COL22A1: variants seen among roughly 807,000 people sequenced by gnomAD.
The protein encoded by COL22A1 is collagen alpha-1(XXII) chain.
COL22A1 carries 221 observed loss-of-function variants against 248.9 expected under a neutral mutation model. The observed-to-expected ratio is 0.89, with a 90% CI of 0.80 to 0.99. COL22A1 has a LOEUF of 0.99. Ranked by LOEUF, COL22A1 falls within the 50% of genes least tolerant of loss-of-function variation. The pLI, the probability that COL22A1 is intolerant of heterozygous loss-of-function variation, is 0.00. For missense variants in COL22A1, 2,240 were observed against 2,179.0 expected (o/e 1.03, Z -0.56); for synonymous variants, 891 against 793.4 (o/e 1.12, Z -2.07).
intron 12 of COL22A1, among the ~76,000 whole-genome samples, chr8:138,794,259 C>T (rs187954595): frequency 5.4e-4 from 82 of 152,106 alleles, no homozygotes; most frequent in African/African-American, 1.6e-3. Flanking sequence ...TGGTGATGCA[C>T]GCCTGTAGTC....
chr8:138,778,755 G>A (rs888933001), intron 14 of COL22A1, among the ~76,000 whole-genome samples: 3 of 152,144 alleles, frequency 2.0e-5, no homozygotes, highest in Non-Finnish European at 2.9e-5. Context: ...CCATGACCTG[G>A]GTCTGGATAT....
chr8:138,662,800 A>G (rs1824084444), intron 42 of COL22A1, among the ~76,000 whole-genome samples: 1 of 152,116 alleles, frequency 6.6e-6, no homozygotes. Flanking sequence ...TCTCACGTCT[A>G]TCAGTTCACT....
At chr8:138,786,778 C>A (rs1815564348) in intron 12 of COL22A1, among the ~76,000 whole-genome samples, 1 of 152,102 alleles carries the variant, frequency 6.6e-6, no homozygotes, top group African/African-American at 2.4e-5. Context: ...GTGGCAGGCA[C>A]CTGTAATCCC....
intron 17 of COL22A1, 104 bp downstream of exon 17, chr8:138,762,309 G>A: frequency 8.9e-7 from 1 of 1,124,348 alleles, no homozygotes; most frequent in Non-Finnish European, 1.3e-6. Flanking sequence ...GAGCAAGGAG[G>A]AGGCCCAGGT....
At chr8:138,789,440 G>A (rs1022970184) in intron 12 of COL22A1, among the ~76,000 whole-genome samples, 1 of 152,194 alleles carries the variant, frequency 6.6e-6, no homozygotes, top group East Asian at 1.9e-4. Flanking sequence ...GGAGATGGGG[G>A]TGCTGATTAA....
Position 138,900,933 on chromosome 8 carries a change from GT to G in COL22A1, c.-73+12685del, listed in dbSNP as rs535303493. Among the ~76,000 whole-genome samples the G allele has an allele frequency of 9.4e-4, 143 of 152,268 alleles. 1 individual carries two copies. Among genetic ancestry groups the G allele is most frequent in the African/African-American group, 3.3e-3 (138 of 41,572 alleles). ...AAAAAGCAGGGTCATGTGATAGAAGGTGACTTGGGTAGGACATTTTTTACAC... is the reference window on the plus strand; with the variant it reads ...AAAAAGCAGGGTCATGTGATAGAAGGGACTTGGGTAGGACATTTTTTACAC... On this transcript the variant is annotated intron_variant, in intron 1 of 64. Transcript: ENST00000303045.
At chr8:138,832,415 C>T (rs1269103592) in intron 5 of COL22A1, among the ~76,000 whole-genome samples, 1 of 152,066 alleles carries the variant, frequency 6.6e-6, no homozygotes, top group Non-Finnish European at 1.5e-5. Context: ...ATTTGTCTGC[C>T]TGTAATAAGA....
At chr8:138,589,621 G>A (rs570799918) in intron 64 of COL22A1, among the ~76,000 whole-genome samples, 181 bp from the exon 65 acceptor site, 9 of 152,272 alleles carry the variant, frequency 5.9e-5, no homozygotes, top group Admixed American at 5.2e-4. Context: ...CAGGTAGCAG[G>A]AGCACCTCAA....
intron 56 of COL22A1, among the ~76,000 whole-genome samples, chr8:138,609,947 A>G (rs1818728792): frequency 6.6e-6 from 1 of 152,170 alleles, no homozygotes; most frequent in Admixed American, 6.5e-5. Context: ...AATGGAAACC[A>G]CAGTTCCCCT....
chr8:138,689,052 C>A (rs923129943), intron 36 of COL22A1, 82 bp from the exon 37 acceptor site: 7 of 1,107,522 alleles, frequency 6.3e-6, no homozygotes, highest in Admixed American at 1.7e-5. Context: ...AGGGAAGAAT[C>A]ATCAGGTCCC....
chr8:138,826,529 C>G, intron 6 of COL22A1, 129 bp downstream of exon 6: 4 of 968,472 alleles, frequency 4.1e-6, no homozygotes, highest in South Asian at 1.5e-5. Context: ...AGCCTCCATA[C>G]GCCAGGCTCT....
In COL22A1 at chr8:138,706,716, C is replaced by T. The variant is rs1160997525; in HGVS notation, c.2518-3369G>A. On this transcript the variant is annotated intron_variant, in intron 30 of 64. Coordinates refer to ENST00000303045, the MANE Select transcript of COL22A1 (RefSeq NM_152888.3). The stretch of plus-strand genomic sequence containing the variant: ...ATCTAAAATTGACACCCTAACATCA[C>T]AATTAAAAGAACTAGAGAAGCAAGA... 3.9e-5 allele frequency among the ~76,000 whole-genome samples: 6 copies of T among 152,056 alleles called. No homozygotes were observed. In the East Asian group the frequency reaches 5.8e-4, roughly 15 times the overall value.
chr8:138,698,789 G>C (rs1031684107), intron 32 of COL22A1, among the ~76,000 whole-genome samples: 3 of 152,098 alleles, frequency 2.0e-5, no homozygotes, highest in African/African-American at 7.2e-5. Flanking sequence ...GCAGGTGAGA[G>C]AGGTGTGGTG....
At chr8:138,819,989 A>G (rs1382580760) in intron 7 of COL22A1, among the ~76,000 whole-genome samples, 1 of 152,106 alleles carries the variant, frequency 6.6e-6, no homozygotes, top group Non-Finnish European at 1.5e-5. Context: ...TCAAAGTCCA[A>G]GGCTTCCTAA....
At chr8:138,620,410 A>G (rs1353865274) in intron 52 of COL22A1, 3 of 126,606 alleles carry the variant, frequency 2.4e-5, no homozygotes, top group African/African-American at 1.2e-4. Context: ...TTGGATTTAG[A>G]AAAAAAAAAA....
intron 32 of COL22A1, among the ~76,000 whole-genome samples, chr8:138,696,610 G>A (rs950010342): frequency 2.0e-5 from 3 of 151,858 alleles, no homozygotes; most frequent in Non-Finnish European, 4.4e-5. Flanking sequence ...TCTCTGATAC[G>A]GCAGTTGGAG....
intron 39 of COL22A1, among the ~76,000 whole-genome samples, chr8:138,683,578 T>C (rs1826116819): frequency 6.6e-6 from 1 of 152,176 alleles, no homozygotes; most frequent in African/African-American, 2.4e-5. Context: ...TCTCCAGGCC[T>C]GGCCCATAAA....
chr8:138,867,048 G>A (rs76072136), intron 3 of COL22A1, among the ~76,000 whole-genome samples: 1,621 of 152,242 alleles, frequency 0.011, 32 homozygotes, highest in African/African-American at 0.037. Flanking sequence ...TATATTATCC[G>A]ATGTTGGCAA....
At chr8:138,797,456 A>G (rs775523107) in intron 11 of COL22A1, among the ~76,000 whole-genome samples, 1 of 152,200 alleles carries the variant, frequency 6.6e-6, no homozygotes, top group Non-Finnish European at 1.5e-5. Context: ...AAATGATATG[A>G]CATTGTACGC....
Sources: gnomAD v4.1 joint callset for allele counts (sites outside exome capture counted in the v4.1 genomes callset) on GRCh38, gnomAD v4.1.1 for gene constraint, MANE v1.5 for transcripts, NCBI Gene and HGNC (gene_info 2026-07-23, HGNC 2026-07-21) for gene names.